The following CDH18 variants were observed in gnomAD, a reference collection of about 807,000 sequenced individuals.
The protein encoded by CDH18 is cadherin 18.
A neutral mutation model predicts 67.9 loss-of-function variants in CDH18; 31 were observed. The ratio of observed to expected loss-of-function variants is 0.46; its 90% CI spans 0.34 to 0.62. The LOEUF (loss-of-function observed/expected upper bound fraction) is 0.62. Ranked by LOEUF, CDH18 falls within the 20% of genes least tolerant of loss-of-function variation. CDH18 has a pLI of 0.01. For synonymous variants in CDH18, 362 were observed against 347.2 expected (o/e 1.04, Z -0.48); for missense variants, 890 against 975.5 (o/e 0.91, Z 1.17).
chr5:20,201,809 G>T lies in CDH18; in HGVS notation c.-518+53635C>A, dbSNP rs536185793. 1.6e-4 allele frequency among the ~76,000 whole-genome samples: 25 copies of T among 152,224 alleles called. No homozygotes were observed. The East Asian group carries it at 1.7e-3, about 11-fold the overall frequency. ...ACAGAGAAGCACATTCCATAGAAGA[G>T]AAAAAGTGCAGAAAATAAGATAATC... is the stretch of plus-strand genomic sequence containing the variant. On this transcript the variant is annotated intron_variant, in intron 2 of 14. Coordinates refer to the CDH18 transcript ENST00000507958.
At chr5:20,280,895 C>A (rs139473714) in intron 1 of CDH18, among the ~76,000 whole-genome samples, 17,767 of 152,168 alleles carry the variant, frequency 0.12, 1,581 homozygotes, top group African/African-American at 0.24. Context: ...TAAATGATCG[C>A]CATTCAAACT....
chr5:19,784,909 C>T lies in CDH18; in HGVS notation c.229-37673G>A, dbSNP rs950910698. Among the ~76,000 whole-genome samples the T allele has an allele frequency of 2.6e-5, 4 of 152,180 alleles. No homozygotes were observed. In the South Asian group the frequency reaches 6.2e-4, roughly 24 times the overall value. On this transcript the variant is annotated intron_variant, in intron 3 of 12. Transcript: ENST00000382275. ...TCTTACCTCAAGCAATTTTTTTCTACTGACTTCAAGTCTTTACACAAATCT... is the reference window on the plus strand; with the variant it reads ...TCTTACCTCAAGCAATTTTTTTCTATTGACTTCAAGTCTTTACACAAATCT...
intron 2 of CDH18, among the ~76,000 whole-genome samples, chr5:19,940,176 G>T (rs2150228676): frequency 6.6e-6 from 1 of 151,508 alleles, no homozygotes; most frequent in East Asian, 1.9e-4. Flanking sequence ...TTAACTTTTT[G>T]AAGATAAAAT....
intron 2 of CDH18, among the ~76,000 whole-genome samples, chr5:19,952,347 C>T (rs1270949856): frequency 6.6e-6 from 1 of 152,156 alleles, no homozygotes; most frequent in Non-Finnish European, 1.5e-5. Flanking sequence ...CTGCACCCAG[C>T]CTATACTTTT....
At position 19,649,766 on chromosome 5, in the gene CDH18, C is replaced by T. The variant is rs552543728; in HGVS notation, c.644-37165G>A. Among the ~76,000 whole-genome samples, 6 of 151,806 alleles carry T rather than the reference C, an allele frequency of 4.0e-5. No homozygotes were observed. In the South Asian group the frequency reaches 1.2e-3, roughly 32 times the overall value. On this transcript the variant is annotated intron_variant, in intron 5 of 12. Transcript: ENST00000382275. The stretch of plus-strand genomic sequence containing the variant: ...ACATTATATATTATATGATAAAGTC[C>T]AACATTAAATGGCTACCTTTTTTTT...
intron 1 of CDH18, among the ~76,000 whole-genome samples, chr5:20,458,187 A>T (rs1033890660): frequency 2.0e-5 from 3 of 152,164 alleles, no homozygotes; most frequent in Admixed American, 1.3e-4. Flanking sequence ...CCACAGTCAT[A>T]GCTCACTGCA....
At chr5:20,302,569 T>G (rs11746410) in intron 1 of CDH18, among the ~76,000 whole-genome samples, 1 of 151,968 alleles carries the variant, frequency 6.6e-6, no homozygotes, top group Non-Finnish European at 1.5e-5. Flanking sequence ...AAGAACCTCA[T>G]GACAACATTG....
At position 20,430,120 on chromosome 5, in the gene CDH18, G is replaced by A. The variant is rs546015152; in HGVS notation, c.-580+145342C>T. On this transcript the variant is annotated intron_variant, in intron 1 of 14. Transcript: ENST00000507958. ...ATTTTTACCTGCTTTAGTAAAGAGTGTTGTACAGAATACATTCACTACATT... is the reference window on the plus strand; with the variant it reads ...ATTTTTACCTGCTTTAGTAAAGAGTATTGTACAGAATACATTCACTACATT... 2.1e-4 allele frequency among the ~76,000 whole-genome samples: 32 copies of A among 152,270 alleles called. No homozygotes were observed. The South Asian group carries it at 2.7e-3, about 13-fold the overall frequency.
intron 3 of CDH18, among the ~76,000 whole-genome samples, chr5:19,806,439 T>C (rs1362648710): frequency 6.6e-6 from 1 of 152,240 alleles, no homozygotes; most frequent in African/African-American, 2.4e-5. Flanking sequence ...GCCACAACTT[T>C]TGAAGTGAAA....
At chr5:20,473,729 T>C (rs1752247260) in intron 1 of CDH18, among the ~76,000 whole-genome samples, 1 of 152,174 alleles carries the variant, frequency 6.6e-6, no homozygotes. Flanking sequence ...TTTCTTATTT[T>C]TTATATTTTT....
intron 2 of CDH18, among the ~76,000 whole-genome samples, chr5:19,891,174 T>C (rs1456848682): frequency 6.6e-6 from 1 of 152,194 alleles, no homozygotes; most frequent in Non-Finnish European, 1.5e-5. Context: ...TCAATATGCC[T>C]TTATCTGTGG....
At chr5:20,538,878 A>G (rs1756873014) in intron 1 of CDH18, among the ~76,000 whole-genome samples, 1 of 144,964 alleles carries the variant, frequency 6.9e-6, no homozygotes, top group Middle Eastern at 3.5e-3. Flanking sequence ...TACACTGGAT[A>G]TACATCCACA....
At chr5:20,309,243 A>G (rs1051507397) in intron 1 of CDH18, among the ~76,000 whole-genome samples, 21 of 152,172 alleles carry the variant, frequency 1.4e-4, no homozygotes, top group African/African-American at 5.1e-4. Flanking sequence ...AGCATGTGGG[A>G]TTTTGCTTTG....
intron 1 of CDH18, among the ~76,000 whole-genome samples, chr5:20,568,191 G>A (rs965795682): frequency 6.6e-6 from 1 of 152,140 alleles, no homozygotes; most frequent in East Asian, 1.9e-4. Context: ...AGTGAATGTG[G>A]CAACTTAACC....
At chr5:20,487,070 GGCA>G (rs1753243446) in intron 1 of CDH18, among the ~76,000 whole-genome samples, 1 of 152,116 alleles carries the variant, frequency 6.6e-6, no homozygotes, top group Non-Finnish European at 1.5e-5. Flanking sequence ...TGACAGCTGT[GGCA>G]GCAGCAGCAC....
intron 4 of CDH18, among the ~76,000 whole-genome samples, chr5:19,739,474 T>A (rs1045782147): frequency 1.3e-5 from 2 of 152,112 alleles, no homozygotes; most frequent in African/African-American, 4.8e-5. Context: ...CTGTTCGAGC[T>A]CCTAGATGAC....
chr5:19,772,211 C>T (rs535819669), intron 3 of CDH18, among the ~76,000 whole-genome samples: 1 of 152,284 alleles, frequency 6.6e-6, no homozygotes, highest in African/African-American at 2.4e-5. Flanking sequence ...ATTACCACCT[C>T]CTCAAAAATA....
chr5:19,884,298 T>C (rs1787965039), intron 2 of CDH18, among the ~76,000 whole-genome samples: 2 of 152,116 alleles, frequency 1.3e-5, no homozygotes, highest in South Asian at 4.1e-4. Context: ...GGCAGTTGAT[T>C]CTCTGAGGTA....
chr5:19,858,647 A>T (rs376226778), intron 2 of CDH18, among the ~76,000 whole-genome samples: 194 of 152,338 alleles, frequency 1.3e-3, no homozygotes, highest in African/African-American at 4.4e-3. Flanking sequence ...GAACATTTCA[A>T]AATTAATTGG....
Sources: allele counts gnomAD v4.1 joint callset (sites outside exome capture counted in the v4.1 genomes callset), GRCh38; gene constraint gnomAD v4.1.1; transcripts MANE v1.5; gene names NCBI Gene and HGNC (gene_info 2026-07-23, HGNC 2026-07-21).